Variants in KDM6A observed in about 807,000 individuals in gnomAD.
KDM6A encodes the protein lysine demethylase 6A, also known as lysine-specific demethylase 6A.
A neutral mutation model predicts 117.6 loss-of-function variants in KDM6A; 11 were observed. The observed-to-expected ratio is 0.09, with a 90% CI of 0.06 to 0.15. KDM6A has a LOEUF of 0.15. KDM6A is among the 10% of genes least tolerant of loss of function. KDM6A has a pLI of 1.00. For missense variants in KDM6A, 799 were observed against 1,077.3 expected, an observed-to-expected ratio of 0.74 and a Z score of 3.62; for synonymous variants, 384 against 396.1, an observed-to-expected ratio of 0.97 and a Z score of 0.36.
At chrX:44,974,990 A>T (rs1305558003) in intron 4 of KDM6A, among the ~76,000 whole-genome samples, 4 of 112,003 alleles carry the variant, frequency 3.6e-5, no homozygotes, top group African/African-American at 1.3e-4. Context: ...AACTAAACAA[A>T]TAACAATAAC....
At chrX:44,935,217 T>C (rs747609156) in intron 2 of KDM6A, among the ~76,000 whole-genome samples, 2 of 112,037 alleles carry the variant, frequency 1.8e-5, no homozygotes, top group East Asian at 5.6e-4. Context: ...GCATTTAAAA[T>C]GTGTTCTTAA....
chrX:45,021,858 G>A (rs1176691129), intron 6 of KDM6A, among the ~76,000 whole-genome samples: 2 of 111,702 alleles, frequency 1.8e-5, no homozygotes, highest in Admixed American at 9.6e-5. Flanking sequence ...ATGCCTGGAA[G>A]TTACCACTTT....
chrX:44,893,445 A>G (rs1425249516), intron 2 of KDM6A, among the ~76,000 whole-genome samples: 2 of 108,508 alleles, frequency 1.8e-5, no homozygotes, highest in Non-Finnish European at 3.8e-5. Context: ...TATTGTTAGT[A>G]TGTAAATTTT....
chrX:44,915,029 A>G (rs977212565), intron 2 of KDM6A, among the ~76,000 whole-genome samples: 3 of 111,552 alleles, frequency 2.7e-5, no homozygotes, highest in East Asian at 2.8e-4. Context: ...AGGCTTTTCT[A>G]GAATCTAGAC....
At chrX:45,020,547 T>C (rs2147662817) in intron 5 of KDM6A, 63 bp from the exon 6 acceptor site, 1 of 1,107,945 alleles carries the variant, frequency 9.0e-7, no homozygotes. Flanking sequence ...TTCAATGTAC[T>C]ACCAAGCAAG....
chrX:44,896,135 T>C, intron 2 of KDM6A, among the ~76,000 whole-genome samples: 1 of 108,009 alleles, frequency 9.3e-6, no homozygotes, highest in Non-Finnish European at 1.9e-5. Context: ...GTGCAGTGGC[T>C]GGATTTCCGC....
At chrX:45,033,714 C>G (rs12009060) in intron 6 of KDM6A, among the ~76,000 whole-genome samples, 1 of 109,784 alleles carries the variant, frequency 9.1e-6, no homozygotes, top group Admixed American at 9.8e-5. Flanking sequence ...CCACTATGAA[C>G]GGCTAATTTT....
At chrX:45,105,690 C>T (rs749117183) in intron 27 of KDM6A, among the ~76,000 whole-genome samples, 22 of 112,131 alleles carry the variant, frequency 2.0e-4, no homozygotes, top group African/African-American at 6.8e-4. Flanking sequence ...TATACAGGCA[C>T]GCATGCACAC....
chrX:45,037,793 C>T (rs2042880949), intron 8 of KDM6A, 104 bp downstream of exon 8: 3 of 626,007 alleles, frequency 4.8e-6, no homozygotes, highest in East Asian at 6.6e-5. Flanking sequence ...TAATGGAGTT[C>T]TGGGCGTTAC....
chrX:45,028,255 A>ACC (rs1299755905), intron 6 of KDM6A, among the ~76,000 whole-genome samples: 1 of 112,502 alleles, frequency 8.9e-6, no homozygotes, highest in Non-Finnish European at 1.9e-5. Flanking sequence ...TCACTGAGGC[A>ACC]GTTCTTAATA....
intron 6 of KDM6A, among the ~76,000 whole-genome samples, chrX:45,021,850 G>C (rs1370028971): frequency 1.8e-5 from 2 of 111,670 alleles, no homozygotes; most frequent in Non-Finnish European, 3.8e-5. Flanking sequence ...AATGAGGGAT[G>C]CCTGGAAGTT....
intron 4 of KDM6A, among the ~76,000 whole-genome samples, chrX:44,994,729 G>A (rs753670368): frequency 3.6e-5 from 4 of 111,799 alleles, no homozygotes; most frequent in African/African-American, 1.3e-4. Flanking sequence ...CAAGGGAGGG[G>A]AAAGGGTTCT....
intron 27 of KDM6A, among the ~76,000 whole-genome samples, chrX:45,098,490 CTTG>C (rs1343845784): frequency 8.9e-6 from 1 of 112,697 alleles, no homozygotes; most frequent in Non-Finnish European, 1.9e-5. Context: ...AACATTTGTG[CTTG>C]TTGTTGAAAC....
chrX:44,884,604 T>G (rs896353133), intron 2 of KDM6A, among the ~76,000 whole-genome samples: 1 of 111,814 alleles, frequency 8.9e-6, no homozygotes, highest in Non-Finnish European at 1.9e-5. Flanking sequence ...TGAAAGGTGC[T>G]CAGTATAAGA....
chrX:45,102,568 A>G (rs112871669), intron 27 of KDM6A, among the ~76,000 whole-genome samples: 4,560 of 111,670 alleles, frequency 0.041, 84 homozygotes, highest in Middle Eastern at 0.084. Context: ...AGATAATGGT[A>G]TAGCCATAAA....
chrX:45,037,126 T>G (rs2042849406), intron 7 of KDM6A, among the ~76,000 whole-genome samples: 1 of 112,835 alleles, frequency 8.9e-6, no homozygotes. Flanking sequence ...GTACCTACTT[T>G]GAGCCAGTAT....
At chrX:44,958,750 A>T (rs1180061944) in intron 2 of KDM6A, among the ~76,000 whole-genome samples, 1 of 109,089 alleles carries the variant, frequency 9.2e-6, no homozygotes, top group African/African-American at 3.4e-5. Flanking sequence ...CTGTACAGGG[A>T]TAATTTTACT....
chrX:45,109,109 T>TA (rs991544122), intron 28 of KDM6A, among the ~76,000 whole-genome samples: 4 of 100,668 alleles, frequency 4.0e-5, no homozygotes, highest in Non-Finnish European at 8.0e-5. Context: ...CCCTAAAACT[T>TA]AAAGTATAAT....
intron 2 of KDM6A, among the ~76,000 whole-genome samples, chrX:44,942,244 A>G (rs2037373291): frequency 9.0e-6 from 1 of 110,735 alleles, no homozygotes; most frequent in African/African-American, 3.3e-5. Flanking sequence ...CATGTTGGCC[A>G]GGATGGTCTT....
Sources: allele counts gnomAD v4.1 joint callset (sites outside exome capture counted in the v4.1 genomes callset), GRCh38; gene constraint gnomAD v4.1.1; transcripts MANE v1.5; gene names NCBI Gene and HGNC (gene_info 2026-07-23, HGNC 2026-07-21).